The following HPCAL1 variants were observed in gnomAD, a reference collection of about 807,000 sequenced individuals.
The protein encoded by HPCAL1 is hippocalcin-like protein 1.
A neutral mutation model predicts 17.1 loss-of-function variants in HPCAL1; 8 were observed. That is an observed-to-expected ratio of 0.47 (90% CI 0.27 to 0.84). The LOEUF is 0.84. Among genes scored for constraint, HPCAL1 ranks in the 40% least tolerant of loss-of-function variants. The probability of loss-of-function intolerance (pLI) is 0.13; values close to 1 mark genes in which losing one functional copy is unlikely to be tolerated. For synonymous variants in HPCAL1, 112 were observed against 111.4 expected (o/e 1.01, Z -0.03); for missense variants, 165 against 271.1 (o/e 0.61, Z 2.75).
intron 2 of HPCAL1, among the ~76,000 whole-genome samples, chr2:10,399,268 C>CAT (rs1558517671): frequency 1.3e-5 from 1 of 78,926 alleles, no homozygotes; most frequent in Non-Finnish European, 2.7e-5. Context: ...ACCATCACCA[C>CAT]CACCACCACC....
intron 1 of HPCAL1, among the ~76,000 whole-genome samples, chr2:10,368,240 T>TGC (rs1171444635): frequency 1.3e-5 from 2 of 151,208 alleles, no homozygotes; most frequent in African/African-American, 4.9e-5. Flanking sequence ...TATGCATGTG[T>TGC]GTGTGTGCAT....
chr2:10,381,479 G>A (rs1249952493), intron 1 of HPCAL1, among the ~76,000 whole-genome samples: 1 of 152,224 alleles, frequency 6.6e-6, no homozygotes, highest in Non-Finnish European at 1.5e-5. Context: ...TTCCAGTGTA[G>A]ACAGGGCGTT....
At chr2:10,336,480 G>T (rs1664730634) in intron 1 of HPCAL1, among the ~76,000 whole-genome samples, 3 of 152,188 alleles carry the variant, frequency 2.0e-5, no homozygotes, top group Non-Finnish European at 4.4e-5. Flanking sequence ...GGACGTGTAG[G>T]TTGTTTGCAC....
intron 1 of HPCAL1, among the ~76,000 whole-genome samples, chr2:10,326,073 G>A (rs910982439): frequency 6.6e-6 from 1 of 152,216 alleles, no homozygotes; most frequent in African/African-American, 2.4e-5. Flanking sequence ...GATGGTGTTC[G>A]TCAGGCCTGT....
chr2:10,328,543 G>T (rs1449981626), intron 1 of HPCAL1, among the ~76,000 whole-genome samples: 1 of 152,144 alleles, frequency 6.6e-6, no homozygotes, highest in Non-Finnish European at 1.5e-5. Context: ...AAAATGTAGA[G>T]AAAGAGTGAA....
intron 1 of HPCAL1, among the ~76,000 whole-genome samples, chr2:10,324,816 G>GTTTTTT (rs3036350): frequency 6.3e-4 from 42 of 66,368 alleles, no homozygotes; most frequent in East Asian, 1.1e-3. Flanking sequence ...TGGTTTTTGT[G>GTTTTTT]TTTTTTTTTT....
Position 10,367,250 on chromosome 2 carries a change from G to A in HPCAL1, c.-110-29585G>A, listed in dbSNP as rs917599992. On this transcript the variant is annotated intron_variant, in intron 1 of 4. Transcript: ENST00000307845. The surrounding 1 kb of genome is among the most constrained non-coding windows in gnomAD (Gnocchi z 4.4). ...GATATTTAATATACAGATGACGGGCGGATGGTAGTGTTGTTTTAAGGGGGG... is the reference window on the plus strand; with the variant it reads ...GATATTTAATATACAGATGACGGGCAGATGGTAGTGTTGTTTTAAGGGGGG... Among the ~76,000 whole-genome samples the A allele has an allele frequency of 2.0e-5, 3 of 151,916 alleles. No individual in the cohort carries two copies. The highest frequency in any genetic ancestry group is 2.9e-5 in the Non-Finnish European group (2 of 68,000).
At chr2:10,405,210 C>A (rs1669895600) in intron 2 of HPCAL1, among the ~76,000 whole-genome samples, 1 of 152,204 alleles carries the variant, frequency 6.6e-6, no homozygotes, top group Non-Finnish European at 1.5e-5. Context: ...CCCAGCAGGG[C>A]CCCTGGGTCT....
intron 2 of HPCAL1, among the ~76,000 whole-genome samples, chr2:10,411,943 G>C (rs1486029580): frequency 6.6e-6 from 1 of 152,198 alleles, no homozygotes; most frequent in African/African-American, 2.4e-5. Context: ...TGTCTTTCCA[G>C]AGAAGATTCC....
intron 1 of HPCAL1, among the ~76,000 whole-genome samples, chr2:10,386,840 G>A (rs546212013): frequency 6.6e-6 from 1 of 152,242 alleles, no homozygotes; most frequent in African/African-American, 2.4e-5. Flanking sequence ...CCTCTGCACC[G>A]CCTTGCACGG....
Position 10,344,260 on chromosome 2 carries a change from C to T in HPCAL1, c.-111+41083C>T, listed in dbSNP as rs543492118. ...TCCCCATAGGCATCACTTCGACCAG[C>T]GTCTGTGTGGGGTGTGCAGCAGCCC... On this transcript the variant is annotated intron_variant, in intron 1 of 4. Transcript: ENST00000307845. The surrounding 1 kb of genome is among the most constrained non-coding windows in gnomAD (Gnocchi z 4.9). Among the ~76,000 whole-genome samples, 1 of 152,238 alleles carries T rather than the reference C, an allele frequency of 6.6e-6. No individual in the cohort carries two copies. Among genetic ancestry groups the T allele is most frequent in the Admixed American group, 6.5e-5 (1 of 15,302 alleles).
chr2:10,385,015 G>T (rs1383615058), intron 1 of HPCAL1, among the ~76,000 whole-genome samples: 1 of 152,054 alleles, frequency 6.6e-6, no homozygotes, highest in Non-Finnish European at 1.5e-5. Flanking sequence ...AGCTACTTGG[G>T]AGGTTGAGGC....
At chr2:10,371,141 G>A (rs960692886) in intron 1 of HPCAL1, among the ~76,000 whole-genome samples, 6 of 152,222 alleles carry the variant, frequency 3.9e-5, no homozygotes, top group Non-Finnish European at 7.3e-5. Context: ...CCTGGGGCCA[G>A]GCAGGGCGGG....
chr2:10,349,362 A>T (rs1206921269), intron 1 of HPCAL1, among the ~76,000 whole-genome samples: 1 of 152,032 alleles, frequency 6.6e-6, no homozygotes, highest in Admixed American at 6.6e-5. Context: ...GTATTATCTG[A>T]CCTGGCAGGG....
At chr2:10,418,021 G>A (rs960112189) in intron 2 of HPCAL1, among the ~76,000 whole-genome samples, 3 of 152,050 alleles carry the variant, frequency 2.0e-5, no homozygotes, top group Admixed American at 6.6e-5. Context: ...GGGTGACAGA[G>A]TGAGAGCCTG....
intron 1 of HPCAL1, among the ~76,000 whole-genome samples, chr2:10,349,702 C>CAAAAAAAAAAAAAAAAA (rs55897775): frequency 5.7e-5 from 3 of 52,730 alleles, no homozygotes; most frequent in African/African-American, 1.9e-4. Flanking sequence ...GACTCTGTCT[C>CAAAAAAAAAAAAAAAAA]AAAAAAAAAA....
chr2:10,422,950 C>A, intron 3 of HPCAL1, 33 bp from the exon 4 acceptor site: 1 of 1,523,642 alleles, frequency 6.6e-7, no homozygotes, highest in Non-Finnish European at 9.1e-7. Context: ...GCCCCCGGGC[C>A]TCTGAGCACA....
chr2:10,356,232 C>T (rs937380745), intron 1 of HPCAL1, among the ~76,000 whole-genome samples: 10 of 152,152 alleles, frequency 6.6e-5, no homozygotes, highest in South Asian at 6.2e-4. Flanking sequence ...CTAAACCTCC[C>T]GCTCGCCTGG....
At chr2:10,409,361 T>C (rs368760360) in intron 2 of HPCAL1, among the ~76,000 whole-genome samples, 2 of 152,206 alleles carry the variant, frequency 1.3e-5, no homozygotes, top group African/African-American at 4.8e-5. Context: ...GGCTCCTCCC[T>C]GCACCTGGGT....
Sources: gnomAD v4.1 joint callset for allele counts (sites outside exome capture counted in the v4.1 genomes callset) on GRCh38, gnomAD v4.1.1 for gene constraint, Gnocchi (gnomAD v3.1) non-coding constraint, MANE v1.5 for transcripts, NCBI Gene and HGNC (gene_info 2026-07-23, HGNC 2026-07-21) for gene names.